Variants in ATP10D observed in about 807,000 individuals in gnomAD.
ATP10D encodes the protein phospholipid-transporting ATPase VD.
ATP10D carries 89 observed loss-of-function variants against 144.8 expected under a neutral mutation model. That is an observed-to-expected ratio of 0.61 (90% CI 0.52 to 0.73). The LOEUF (loss-of-function observed/expected upper bound fraction) is 0.73, where lower values mean the gene tolerates loss of function less well. Among genes scored for constraint, ATP10D ranks in the 30% least tolerant of loss-of-function variants. ATP10D has a pLI of 0.00. For synonymous variants in ATP10D, 571 were observed against 615.1 expected, an observed-to-expected ratio of 0.93 and a Z score of 1.06; for missense variants, 1,603 against 1,714.8, an observed-to-expected ratio of 0.93 and a Z score of 1.15.
In ATP10D at chr4:47,591,280, G is replaced by C. The variant is rs140236295; in HGVS notation, c.4180G>C (p.Glu1394Gln). 4.3e-6 allele frequency: 7 copies of C among 1,613,412 alleles called. No individual in the cohort carries two copies. In the East Asian group the frequency reaches 1.6e-4, roughly 36 times the overall value. The change falls in exon 23 of 23, where the codon GAG becomes CAG. Residue 1394 changes from glutamate to glutamine, a missense_variant. Coordinates refer to ENST00000273859, the MANE Select transcript of ATP10D (RefSeq NM_020453.4). ...AMKSASSCAI[E>Q]QGNLSLCETA... ...GAAGTCAGCAAGTTCCTGTGCTATTGAGCAAGGAAACTTATCTCTGTGTGA... is the reference window on the plus strand; with the variant it reads ...GAAGTCAGCAAGTTCCTGTGCTATTCAGCAAGGAAACTTATCTCTGTGTGA...
chr4:47,490,930 CTTT>C, intron 1 of ATP10D: 4 of 409,334 alleles, frequency 9.8e-6, no homozygotes, highest in East Asian at 5.8e-5. Context: ...GCAAATACAT[CTTT>C]TTTTTTTTCA....
At position 47,517,285 on chromosome 4, in the gene ATP10D, G is replaced by A. The variant is rs996502042; in HGVS notation, c.485+1615G>A. Among the ~76,000 whole-genome samples the A allele has an allele frequency of 3.3e-5, 5 of 152,034 alleles. No homozygotes were observed. In the East Asian group the frequency reaches 9.7e-4, roughly 29 times the overall value. On this transcript the variant is annotated intron_variant, in intron 3 of 22. Coordinates refer to ENST00000273859, the MANE Select transcript of ATP10D (RefSeq NM_020453.4). The stretch of plus-strand genomic sequence containing the variant: ...ACAAAAAATTAGCCAGGCATGGTGG[G>A]GTGTGCGTGTAGTCCCAGATATTGG...
Position 47,563,731 on chromosome 4 carries a change from A to G in ATP10D, c.2819A>G (p.Asp940Gly). The change falls in exon 15 of 23, where the codon GAT becomes GGT. Residue 940 changes from aspartate (D) to glycine (G), a missense_variant. Asp to Gly is a moderately conservative substitution (Grantham distance 94, BLOSUM62 -1). Transcript: ENST00000273859. ...TATGCATGCAAACTACTGGAGCCAG[A>G]TGACAAGCTTTTTATCCTCAATACC... ...IAYACKLLEP[D>G]DKLFILNTQS... 1.2e-6 allele frequency: 2 copies of G among 1,611,222 alleles called. No homozygotes were observed. The highest frequency in any genetic ancestry group is 1.7e-6 in the Non-Finnish European group (2 of 1,179,050).
chr4:47,561,043 C>T lies in ATP10D; in HGVS notation c.2636C>T (p.Ala879Val). The T allele has an allele frequency of 6.2e-7, 1 of 1,614,084 alleles. No homozygotes were observed. Among genetic ancestry groups the T allele is most frequent in the Non-Finnish European group, 8.5e-7 (1 of 1,179,988 alleles). The change falls in exon 14 of 23, where the codon GCC (alanine) becomes GTC (valine). Residue 879 changes from alanine (A) to valine (V), a missense_variant. Coordinates refer to ENST00000273859, the MANE Select transcript of ATP10D (RefSeq NM_020453.4). ...AGGGAAGAATTACTACTTGAATCTGCCATGAGGTTGGAGAACAAACTTACA... is the reference window on the plus strand; with the variant it reads ...AGGGAAGAATTACTACTTGAATCTGTCATGAGGTTGGAGAACAAACTTACA... ...DNREELLLESAMRLENKLTLL... is the reference protein window; with the variant it reads ...DNREELLLESVMRLENKLTLL...
chr4:47,550,083 A>G (rs1386308917), intron 10 of ATP10D, among the ~76,000 whole-genome samples: 1 of 151,726 alleles, frequency 6.6e-6, no homozygotes, highest in Non-Finnish European at 1.5e-5. Flanking sequence ...AAATGAGTAG[A>G]GTGGCATCCA....
chr4:47,559,452 A>T (rs955307734), intron 13 of ATP10D, among the ~76,000 whole-genome samples: 3 of 152,144 alleles, frequency 2.0e-5, no homozygotes, highest in Non-Finnish European at 4.4e-5. Flanking sequence ...CTCTTTTCTT[A>T]TGTGCCCGTA....
At chr4:47,540,193 G>A (rs1718063293) in intron 9 of ATP10D, among the ~76,000 whole-genome samples, 1 of 152,192 alleles carries the variant, frequency 6.6e-6, no homozygotes, top group African/African-American at 2.4e-5. Flanking sequence ...TATTTTAACA[G>A]TGTATCTGTG....
At chr4:47,493,824 A>C (rs548917594) in intron 1 of ATP10D, among the ~76,000 whole-genome samples, 1 of 152,228 alleles carries the variant, frequency 6.6e-6, no homozygotes, top group Admixed American at 6.5e-5. Context: ...GGGAGGGCAG[A>C]ATCTGTGTTT....
chr4:47,557,937 G>A lies in ATP10D; in HGVS notation c.2098G>A (p.Gly700Ser), dbSNP rs977212677. Residue 700 changes from glycine (G) to serine (S), a missense_variant, in exon 12 of 23, where the codon GGT becomes AGT. By Grantham distance (56) the Gly-to-Ser change is moderately conservative. Coordinates refer to ENST00000273859, the MANE Select transcript of ATP10D (RefSeq NM_020453.4). ...ACCTETEKQH[G>S]DAGLLNGKAE... ...CTGCACAGAAACAGAGAAACAACAC[G>A]GTGATGCAGGCCTCCTGAATGGCAA... is the stretch of plus-strand genomic sequence containing the variant. The A allele has an allele frequency of 5.0e-6, 8 of 1,614,032 alleles. No homozygotes were observed. The highest frequency in any genetic ancestry group is 6.8e-6 in the Non-Finnish European group (8 of 1,180,042).
intron 16 of ATP10D, among the ~76,000 whole-genome samples, chr4:47,570,283 A>G (rs1162776550): frequency 6.6e-6 from 1 of 152,160 alleles, no homozygotes; most frequent in Non-Finnish European, 1.5e-5. Context: ...TATATGAGAG[A>G]AAGAGTTGTC....
chr4:47,517,564 C>G (rs1047604368), intron 3 of ATP10D, among the ~76,000 whole-genome samples: 1 of 152,084 alleles, frequency 6.6e-6, no homozygotes, highest in African/African-American at 2.4e-5. Context: ...AGCTAAACAC[C>G]CAGTTTCCTG....
chr4:47,485,885 T>TCA (rs1202059228), intron 1 of ATP10D, among the ~76,000 whole-genome samples: 44 of 144,592 alleles, frequency 3.0e-4, no homozygotes, highest in Middle Eastern at 3.5e-3. Flanking sequence ...ACACACGCAT[T>TCA]CACACACACA....
At chr4:47,566,947 A>G (rs6854584) in intron 15 of ATP10D, among the ~76,000 whole-genome samples, 30,278 of 152,134 alleles carry the variant, frequency 0.2, 3,524 homozygotes, top group East Asian at 0.5. Context: ...TTTTGCTTGG[A>G]AACACTGCAG....
chr4:47,556,916 C>G (rs1229519062), intron 11 of ATP10D: 2 of 152,110 alleles, frequency 1.3e-5, no homozygotes, highest in African/African-American at 4.8e-5. Context: ...TTCAAATCCA[C>G]ATTATGATAT....
At chr4:47,561,976 C>G (rs191071776) in intron 14 of ATP10D, among the ~76,000 whole-genome samples, 10 of 152,236 alleles carry the variant, frequency 6.6e-5, no homozygotes, top group African/African-American at 2.2e-4. Context: ...AGCAATGATG[C>G]CTACCCTAAG....
At chr4:47,502,361 C>T (rs1715735662) in intron 1 of ATP10D, among the ~76,000 whole-genome samples, 1 of 152,004 alleles carries the variant, frequency 6.6e-6, no homozygotes, top group South Asian at 2.1e-4. Context: ...GTTCCAGCTA[C>T]TCGGGGGCTG....
intron 4 of ATP10D, among the ~76,000 whole-genome samples, chr4:47,524,824 A>G (rs1027416920): frequency 6.8e-6 from 1 of 147,634 alleles, no homozygotes; most frequent in Non-Finnish European, 1.5e-5. Context: ...CTCCATGGAT[A>G]TTGCTCATTA....
intron 9 of ATP10D, among the ~76,000 whole-genome samples, chr4:47,542,196 A>C (rs753834050): frequency 1.3e-5 from 2 of 151,962 alleles, no homozygotes. Flanking sequence ...CTCTGGGCTC[A>C]AGTGATCCTA....
At chr4:47,542,408 T>C (rs1367410411) in intron 9 of ATP10D, among the ~76,000 whole-genome samples, 3 of 150,176 alleles carry the variant, frequency 2.0e-5, no homozygotes, top group African/African-American at 4.9e-5. Context: ...CACACCTAAT[T>C]TTTATAAAAT....
Sources: allele counts gnomAD v4.1 joint callset (sites outside exome capture counted in the v4.1 genomes callset), GRCh38; gene constraint gnomAD v4.1.1; transcripts MANE v1.5; gene names NCBI Gene and HGNC (gene_info 2026-07-23, HGNC 2026-07-21).